The following HEATR3 variants were observed in gnomAD, a reference collection of about 807,000 sequenced individuals.
The protein encoded by HEATR3 is HEAT repeat containing 3.
A neutral mutation model predicts 72.8 loss-of-function variants in HEATR3; 56 were observed. The ratio of observed to expected loss-of-function variants is 0.77; its 90% CI spans 0.62 to 0.96. HEATR3 has a LOEUF of 0.96. HEATR3 is among the 40% of genes least tolerant of loss of function. The pLI is 0.00. For missense variants in HEATR3, 747 were observed against 831.4 expected (o/e 0.90, Z 1.25); for synonymous variants, 331 against 318.1 (o/e 1.04, Z -0.43).
At position 50,097,309 on chromosome 16, in the gene HEATR3, CTTTTCT is replaced by C. The variant is rs1314127495; in HGVS notation, c.1599+2521_1599+2526del. 1.2e-4 allele frequency among the ~76,000 whole-genome samples: 3 copies of C among 24,288 alleles called. No individual in the cohort carries two copies. In the Admixed American group the frequency reaches 1.8e-3, roughly 14 times the overall value. 15.9% of individuals were successfully genotyped at this position (24,288 alleles called of 152,430 possible). A position where few individuals can be genotyped will look rare whatever the true frequency, so the allele number is the denominator to read the frequency against. ...CAGAATAGAGATACCCTAATTTTGTCTTTTCTTTTTTTTTTTTTTACATTTATTAGC... is the reference window on the plus strand; with the variant it reads ...CAGAATAGAGATACCCTAATTTTGTCTTTTTTTTTTTTTACATTTATTAGC... On this transcript the variant is annotated intron_variant, in intron 12 of 14. Transcript: ENST00000299192.
intron 11 of HEATR3, among the ~76,000 whole-genome samples, chr16:50,093,553 C>T (rs889173203): frequency 3.9e-5 from 6 of 152,148 alleles, no homozygotes; most frequent in South Asian, 2.1e-4. Flanking sequence ...TCACATCCTA[C>T]GGTGCCCAGG....
intron 12 of HEATR3, 127 bp from the exon 13 acceptor site, chr16:50,100,103 C>T: frequency 1.2e-6 from 1 of 824,578 alleles, no homozygotes; most frequent in South Asian, 2.1e-5. Context: ...AACTTACCTG[C>T]CAGGAGTTTA....
At chr16:50,084,409 TGA>T in intron 9 of HEATR3, 118 bp downstream of exon 9, 1 of 1,314,176 alleles carries the variant, frequency 7.6e-7, no homozygotes, top group Non-Finnish European at 1.0e-6. Flanking sequence ...TGGTAAGATC[TGA>T]GACAAAGCTG....
chr16:50,106,584 G>A lies in HEATR3; in HGVS notation c.*1523G>A, dbSNP rs934284352. On this transcript the variant is annotated 3_prime_UTR_variant, in exon 15 of 15. Coordinates refer to ENST00000299192, the MANE Select transcript of HEATR3 (RefSeq NM_182922.4). ...AAGTACTAGGTGACAGCTGGGGCTC[G>A]AGGGAGTTTCCCTGTGCATCATTGT... is the stretch of plus-strand genomic sequence containing the variant. 1.3e-5 allele frequency: 2 copies of A among 152,102 alleles called. No individual in the cohort carries two copies. The highest frequency in any genetic ancestry group is 2.1e-4 in the South Asian group (1 of 4,816). 9.4% of individuals were successfully genotyped at this position (152,102 alleles called of 1,614,324 possible).
intron 10 of HEATR3, 46 bp downstream of exon 10, chr16:50,084,697 T>A: frequency 7.2e-7 from 1 of 1,379,650 alleles, no homozygotes; most frequent in Non-Finnish European, 1.0e-6. Context: ...TATTTTATTT[T>A]ATGAAATGAT....
intron 12 of HEATR3, among the ~76,000 whole-genome samples, chr16:50,098,922 C>T (rs1393927903): frequency 6.6e-6 from 1 of 151,880 alleles, no homozygotes; most frequent in Non-Finnish European, 1.5e-5. Context: ...CTTGTTATTG[C>T]CAATAACACT....
At chr16:50,077,169 T>TG (rs2036754246) in intron 6 of HEATR3, among the ~76,000 whole-genome samples, 1 of 146,636 alleles carries the variant, frequency 6.8e-6, no homozygotes, top group Admixed American at 6.8e-5. Flanking sequence ...CCACCGCGCC[T>TG]GGCCTAATTT....
At position 50,102,276 on chromosome 16, in the gene HEATR3, G is replaced by C; in HGVS notation, c.1761G>C (p.Leu587=). 1 of 1,613,168 alleles carries C rather than the reference G, an allele frequency of 6.2e-7. No homozygotes were observed. The highest frequency in any genetic ancestry group is 2.2e-5 in the East Asian group (1 of 44,870). ...GTTTCCAGAACATTGGGTGCTTTCT[G>C]CTTGAAGTTACCACCAAAGATCCTT... ...LETLKNIGCF[L]LEVTTKDPSL... Residue 587 remains leucine, a synonymous_variant, in exon 14 of 15, where the codon CTG becomes CTC. Transcript: ENST00000299192.
intron 4 of HEATR3, 63 bp downstream of exon 4, chr16:50,070,353 T>A (rs887368764): frequency 1.3e-6 from 1 of 796,846 alleles, no homozygotes; most frequent in Admixed American, 2.1e-5. Context: ...TTCTCTGTTA[T>A]ACTGTGTAGG....
rs751039731 is a variant in HEATR3, at chr16:50,102,447, T to A, written c.1920+12T>A. ...TCTTTAAAATGAAGGTTTGTAGCCATTTAACTTATAAATACATAAGTCTGA... is the reference window on the plus strand; with the variant it reads ...TCTTTAAAATGAAGGTTTGTAGCCAATTAACTTATAAATACATAAGTCTGA... On this transcript the variant is annotated intron_variant, in intron 14 of 14. Transcript: ENST00000299192. 3 of 1,611,760 alleles carry A rather than the reference T, an allele frequency of 1.9e-6. No homozygotes were observed. Among genetic ancestry groups the A allele is most frequent in the Non-Finnish European group, 2.5e-6 (3 of 1,178,798 alleles).
At chr16:50,078,599 A>G (rs2036791946) in intron 6 of HEATR3, 142 bp from the exon 7 acceptor site, 1 of 759,258 alleles carries the variant, frequency 1.3e-6, no homozygotes, top group African/African-American at 1.8e-5. Context: ...ACTCATTGAT[A>G]TTTAATAAAT....
At chr16:50,100,137 C>G (rs962279467) in intron 12 of HEATR3, 93 bp from the exon 13 acceptor site, 3 of 1,230,410 alleles carry the variant, frequency 2.4e-6, no homozygotes, top group Non-Finnish European at 3.4e-6. Flanking sequence ...ATCCTGTAGC[C>G]TATAGAGGAG....
intron 6 of HEATR3, among the ~76,000 whole-genome samples, chr16:50,078,013 A>G (rs1290036370): frequency 6.6e-6 from 1 of 150,642 alleles, no homozygotes; most frequent in Non-Finnish European, 1.5e-5. Flanking sequence ...AGTAGCTGGG[A>G]TTACAAGCGC....
Position 50,066,149 on chromosome 16 carries a change from G to GAAGCGCTTC in HEATR3, c.24_32dup (p.Phe9_Arg11dup). Reference sequence around the variant, plus strand: ...ACGTCACCATGGGCAAGAGCCGGACGAAGCGCTTCAAGCGACCTCAGTTCT... The same window carrying GAAGCGCTTC: ...ACGTCACCATGGGCAAGAGCCGGACGAAGCGCTTCAAGCGCTTCAAGCGACCTCAGTTCT... On this transcript the variant is annotated inframe_insertion, in exon 1 of 15. Coordinates refer to ENST00000299192, the MANE Select transcript of HEATR3 (RefSeq NM_182922.4). 6.3e-7 allele frequency: 1 copy of GAAGCGCTTC among 1,597,440 alleles called. No homozygotes were observed.
At chr16:50,072,737 C>G in intron 5 of HEATR3, 23 bp downstream of exon 5, 1 of 1,388,950 alleles carries the variant, frequency 7.2e-7, no homozygotes. Flanking sequence ...AAGGTGATGA[C>G]TTATTAAGAA....
At chr16:50,102,802 G>A (rs1050893033) in intron 14 of HEATR3, among the ~76,000 whole-genome samples, 3 of 151,790 alleles carry the variant, frequency 2.0e-5, no homozygotes, top group Admixed American at 6.6e-5. Flanking sequence ...TCACTCTGTC[G>A]CCCATGCTGG....
At chr16:50,074,043 A>G (rs1257799027) in intron 5 of HEATR3, 1 of 152,198 alleles carries the variant, frequency 6.6e-6, no homozygotes, top group East Asian at 1.9e-4. Context: ...AATGACAAAG[A>G]TATTACATTT....
rs1371665781 is a variant in HEATR3, at chr16:50,105,409, C to G, written c.*348C>G. 1 of 225,286 alleles carries G rather than the reference C, an allele frequency of 4.4e-6. No homozygotes were observed. Among genetic ancestry groups the G allele is most frequent in the African/African-American group, 2.8e-5 (1 of 36,144 alleles). 14.0% of individuals were successfully genotyped at this position (225,286 alleles called of 1,614,324 possible). On this transcript the variant is annotated 3_prime_UTR_variant, in exon 15 of 15. Transcript: ENST00000299192. The stretch of plus-strand genomic sequence containing the variant: ...CCTGGGAGACAGAGGTTGCAGTGAG[C>G]TGAGATCACGCTACTGCACTCCAGC...
At chr16:50,100,467 A>T in intron 13 of HEATR3, 94 bp downstream of exon 13, 1 of 1,247,164 alleles carries the variant, frequency 8.0e-7, no homozygotes, top group Non-Finnish European at 1.1e-6. Flanking sequence ...TGTGGACTTG[A>T]AGAGAAGAAG....
Sources: gnomAD v4.1 joint callset for allele counts (sites outside exome capture counted in the v4.1 genomes callset) on GRCh38, gnomAD v4.1.1 for gene constraint, MANE v1.5 for transcripts, NCBI Gene and HGNC (gene_info 2026-07-23, HGNC 2026-07-21) for gene names.